Variants in ARHGAP44 observed in about 807,000 individuals in gnomAD.
ARHGAP44 encodes Rho GTPase activating protein 44.
In ARHGAP44, 43 loss-of-function variants were observed where a neutral mutation model predicts 106.8. The ratio of observed to expected loss-of-function variants is 0.40; its 90% confidence interval spans 0.32 to 0.52. The LOEUF (loss-of-function observed/expected upper bound fraction) is 0.52, where lower values mean the gene tolerates loss of function less well. Among genes scored for constraint, ARHGAP44 ranks in the 20% least tolerant of loss-of-function variants. ARHGAP44 has a pLI of 0.48. For synonymous variants in ARHGAP44, 439 were observed against 410.3 expected (o/e 1.07, Z -0.85); for missense variants, 866 against 1,050.5 (o/e 0.82, Z 2.43).
chr17:12,949,553 C>T lies in ARHGAP44; in HGVS notation c.974-96C>T. ...CTGTTGACATGGTGGTCAGGAGGCC[C>T]ATCCCCAGATGGAACCCACATAGGC... On this transcript the variant is annotated intron_variant, in intron 11 of 20. Coordinates refer to ENST00000379672, the MANE Select transcript of ARHGAP44 (RefSeq NM_014859.6). The surrounding 1 kb of genome is among the most constrained non-coding windows in gnomAD (Gnocchi z 4.1). The T allele has an allele frequency of 8.6e-7, 1 of 1,167,546 alleles. No individual in the cohort carries two copies. The allele number at this position is 1,167,546 out of a possible 1,614,324, so 72.3% of individuals were successfully genotyped here.
intron 1 of ARHGAP44, among the ~76,000 whole-genome samples, chr17:12,838,852 A>G (rs2035314718): frequency 1.3e-5 from 2 of 151,648 alleles, no homozygotes; most frequent in African/African-American, 4.8e-5. Flanking sequence ...TTGTGTGTGT[A>G]TGTGTGTGTA....
intron 3 of ARHGAP44, among the ~76,000 whole-genome samples, chr17:12,905,283 C>T (rs1032392663): frequency 6.6e-6 from 1 of 152,052 alleles, no homozygotes. Context: ...AAAAGCATAT[C>T]CCTTAAGAAT....
At chr17:12,918,517 TAA>T (rs1201371026) in intron 5 of ARHGAP44, among the ~76,000 whole-genome samples, 3 of 152,062 alleles carry the variant, frequency 2.0e-5, no homozygotes, top group Non-Finnish European at 4.4e-5. Flanking sequence ...TGAAAAAATA[TAA>T]AAAGAGCATC....
At chr17:12,970,383 A>AAAGAAAAAG (rs1555565455) in intron 16 of ARHGAP44, among the ~76,000 whole-genome samples, 56 of 140,320 alleles carry the variant, frequency 4.0e-4, no homozygotes, top group African/African-American at 1.4e-3. Flanking sequence ...AAAAAAAAAA[A>AAAGAAAAAG]AAAAAGAAAA....
chr17:12,803,827 G>T (rs2150768685), intron 1 of ARHGAP44, among the ~76,000 whole-genome samples: 1 of 151,826 alleles, frequency 6.6e-6, no homozygotes, highest in East Asian at 1.9e-4. Context: ...AAAAATCCTA[G>T]CACTGTTGGA....
rs181441843 is a variant in ARHGAP44 at position 12,912,455 on chromosome 17, A to G, written c.276-3445A>G. ...AAAAAATTGGAAAATTAGAGGATCA[A>G]TCCAGGAAGTCTTATGCCCGAAAAA... is the stretch of plus-strand genomic sequence containing the variant. On this transcript the variant is annotated intron_variant, in intron 4 of 20. Transcript: ENST00000379672. 2.0e-4 allele frequency among the ~76,000 whole-genome samples: 31 copies of G among 152,268 alleles called. No homozygotes were observed. In the East Asian group the frequency reaches 4.3e-3, roughly 21 times the overall value.
intron 18 of ARHGAP44, among the ~76,000 whole-genome samples, chr17:12,978,036 C>CA (rs1157325814): frequency 2.9e-4 from 26 of 89,288 alleles, no homozygotes; most frequent in African/African-American, 3.3e-4. Flanking sequence ...GACTCCATCT[C>CA]AAAAAAAAAA....
At chr17:12,968,162 G>A (rs1417417219) in intron 16 of ARHGAP44, among the ~76,000 whole-genome samples, 1 of 152,178 alleles carries the variant, frequency 6.6e-6, no homozygotes, top group East Asian at 1.9e-4. Flanking sequence ...CAACGTGGCG[G>A]GGCCCACTTT....
intron 1 of ARHGAP44, among the ~76,000 whole-genome samples, chr17:12,830,659 A>G (rs544204230): frequency 6.6e-6 from 1 of 152,146 alleles, no homozygotes; most frequent in Admixed American, 6.5e-5. Flanking sequence ...GACCTCCCCC[A>G]CTGTAAAATG....
intron 3 of ARHGAP44, among the ~76,000 whole-genome samples, chr17:12,902,876 T>C (rs2037414444): frequency 6.6e-6 from 1 of 152,176 alleles, no homozygotes; most frequent in Non-Finnish European, 1.5e-5. Context: ...CCTTGTGCAA[T>C]GTTAACTTAA....
intron 18 of ARHGAP44, among the ~76,000 whole-genome samples, chr17:12,974,588 T>G (rs1010718275): frequency 6.6e-6 from 1 of 152,092 alleles, no homozygotes; most frequent in African/African-American, 2.4e-5. Flanking sequence ...GTTCCCCAAC[T>G]CTGTTTTCCC....
intron 16 of ARHGAP44, among the ~76,000 whole-genome samples, chr17:12,965,445 G>A (rs558291370): frequency 1.3e-5 from 2 of 152,196 alleles, no homozygotes; most frequent in Non-Finnish European, 2.9e-5. Context: ...GCACTGCAAA[G>A]GGCTTGTCCC....
chr17:12,980,431 G>T (rs1454243610), intron 19 of ARHGAP44, among the ~76,000 whole-genome samples, 198 bp downstream of exon 19: 1 of 152,138 alleles, frequency 6.6e-6, no homozygotes, highest in Non-Finnish European at 1.5e-5. Context: ...TTGACAGGTG[G>T]GCTCATTAGG....
intron 4 of ARHGAP44, among the ~76,000 whole-genome samples, chr17:12,912,898 C>G (rs2037782673): frequency 1.3e-5 from 2 of 152,172 alleles, no homozygotes; most frequent in Admixed American, 6.5e-5. Flanking sequence ...TCTTTCTCAG[C>G]AAGCTAAAGC....
In ARHGAP44 at chr17:12,868,578, A is replaced by AT; in HGVS notation, c.54-26361dup. Among the ~76,000 whole-genome samples, 24 of 118,254 alleles carry AT rather than the reference A, an allele frequency of 2.0e-4. 2 individuals carry two copies. The highest frequency in any genetic ancestry group is 4.2e-4 in the Admixed American group (4 of 9,474). The allele number at this position is 118,254 out of a possible 152,430, so 77.6% of individuals were successfully genotyped here. A position where few individuals can be genotyped will look rare whatever the true frequency, so the allele number is the denominator to read the frequency against. On this transcript the variant is annotated intron_variant, in intron 1 of 20. Transcript: ENST00000379672. ...AAGCCAAAAAGTCATTTAAAAAGTCATATATATGCATTTTATATATATATA... is the reference window on the plus strand; with the variant it reads ...AAGCCAAAAAGTCATTTAAAAAGTCATTATATATGCATTTTATATATATATA...
intron 1 of ARHGAP44, among the ~76,000 whole-genome samples, chr17:12,857,313 T>C (rs549320967): frequency 9.7e-4 from 148 of 152,292 alleles, no homozygotes; most frequent in African/African-American, 3.4e-3. Context: ...TTATAAAGAA[T>C]AGAGGTTGAT....
intron 1 of ARHGAP44, among the ~76,000 whole-genome samples, chr17:12,865,857 A>G (rs553207442): frequency 6.6e-6 from 1 of 152,178 alleles, no homozygotes; most frequent in Admixed American, 6.6e-5. Flanking sequence ...CATTTAGTAT[A>G]AGGAAATGAG....
Position 12,839,789 on chromosome 17 carries a change from A to T in ARHGAP44, c.53+49898A>T, listed in dbSNP as rs2035340348. Among the ~76,000 whole-genome samples, 3 of 152,158 alleles carry T rather than the reference A, an allele frequency of 2.0e-5. No individual in the cohort carries two copies. In the South Asian group the frequency reaches 6.2e-4, roughly 31 times the overall value. Reference sequence around the variant, plus strand: ...CTCTTCTCTTTTCACATTATACCTCATCTTCATGTGGATCATATTTATTTT... The same window carrying T: ...CTCTTCTCTTTTCACATTATACCTCTTCTTCATGTGGATCATATTTATTTT... On this transcript the variant is annotated intron_variant, in intron 1 of 20. Coordinates refer to ENST00000379672, the MANE Select transcript of ARHGAP44 (RefSeq NM_014859.6).
intron 16 of ARHGAP44, among the ~76,000 whole-genome samples, chr17:12,965,204 C>T (rs73292381): frequency 2.1e-4 from 32 of 152,326 alleles, no homozygotes; most frequent in African/African-American, 7.2e-4. Flanking sequence ...GATCCAGCTA[C>T]CTCAGGCCGT....
Sources: gnomAD v4.1 joint callset for allele counts (sites outside exome capture counted in the v4.1 genomes callset) on GRCh38, gnomAD v4.1.1 for gene constraint, Gnocchi (gnomAD v3.1) non-coding constraint, MANE v1.5 for transcripts, NCBI Gene and HGNC (gene_info 2026-07-23, HGNC 2026-07-21) for gene names.